Variants in CHLSN observed in about 807,000 individuals in gnomAD.
CHLSN encodes the protein cholesin, also known as protein cholesin.
At chr7:986,735 C>T in the CHLSN span, 35 of 1,609,616 alleles carry the variant, frequency 2.2e-5, 1 homozygote, top group African/African-American at 3.9e-4. Context: ...GGCGCGGAGG[C>T]CCCACGTGTG....
chr7:1,088,438 C>G, the CHLSN span: 9 of 152,002 alleles, frequency 5.9e-5, no homozygotes, highest in African/African-American at 2.2e-4. The surrounding 1 kb of genome is among the most constrained non-coding windows in gnomAD (Gnocchi z 4.5). Flanking sequence ...AGACACCTCA[C>G]CCCCTGGTGA....
the CHLSN span, among the ~76,000 whole-genome samples, chr7:1,032,997 T>C: frequency 6.6e-6 from 1 of 152,154 alleles, no homozygotes; most frequent in African/African-American, 2.4e-5. Flanking sequence ...GCACTCGCGG[T>C]GCGGACCCAG....
At chr7:1,015,964 C>A in the CHLSN span, among the ~76,000 whole-genome samples, 2 of 152,172 alleles carry the variant, frequency 1.3e-5, 1 homozygote, top group South Asian at 4.1e-4. Flanking sequence ...CCTGGACCGG[C>A]GTCTGTCTGG....
chr7:984,650 C>T, the CHLSN span: 1 of 1,495,320 alleles, frequency 6.7e-7, no homozygotes, highest in Non-Finnish European at 8.9e-7. Context: ...GGGGCTCCAG[C>T]AGCGGGAGAG....
the CHLSN span, among the ~76,000 whole-genome samples, chr7:1,039,652 A>AG: frequency 3.0e-5 from 2 of 66,660 alleles, no homozygotes; most frequent in Non-Finnish European, 2.7e-5. Flanking sequence ...CTGCCCGGCC[A>AG]CTACCCCGTC....
the CHLSN span, chr7:1,029,210 C>CTT: frequency 6.6e-6 from 1 of 152,268 alleles, no homozygotes; most frequent in East Asian, 1.9e-4. Context: ...TCACTGCAGC[C>CTT]TTAACTTCCT....
the CHLSN span, among the ~76,000 whole-genome samples, chr7:1,007,434 A>G: frequency 6.6e-6 from 1 of 152,026 alleles, no homozygotes; most frequent in Non-Finnish European, 1.5e-5. Flanking sequence ...GGCTGAGGAC[A>G]CTCCCCTGTG....
At chr7:1,072,653 A>G in the CHLSN span, among the ~76,000 whole-genome samples, 1 of 140,272 alleles carries the variant, frequency 7.1e-6, no homozygotes, top group Non-Finnish European at 1.5e-5. Flanking sequence ...GGCTTTAATT[A>G]TGGAGTCAAT....
chr7:1,001,495 G>A, the CHLSN span, among the ~76,000 whole-genome samples: 1 of 142,966 alleles, frequency 7.0e-6, no homozygotes, highest in Admixed American at 6.8e-5. Context: ...GGAGTCCTGC[G>A]GGTGAGTGGA....
At chr7:1,034,521 G>T in the CHLSN span, among the ~76,000 whole-genome samples, 1 of 152,154 alleles carries the variant, frequency 6.6e-6, no homozygotes, top group Non-Finnish European at 1.5e-5. Flanking sequence ...TCGGGACATC[G>T]GACAGCTGTG....
the CHLSN span, among the ~76,000 whole-genome samples, chr7:1,109,100 T>A: frequency 1.3e-5 from 2 of 152,048 alleles, no homozygotes; most frequent in Non-Finnish European, 2.9e-5. Context: ...TTTCAACATG[T>A]TGGCCAGACT....
At chr7:1,089,532 C>A in the CHLSN span, among the ~76,000 whole-genome samples, 10 of 152,028 alleles carry the variant, frequency 6.6e-5, no homozygotes, top group African/African-American at 2.2e-4. Flanking sequence ...GATCCTCCTG[C>A]CTCAGCCTCC....
chr7:1,089,474 A>T, the CHLSN span, among the ~76,000 whole-genome samples: 1 of 19,886 alleles, frequency 5.0e-5, no homozygotes. Context: ...GCTCGAGTGC[A>T]GTGGTGTGAT....
At chr7:1,093,429 G>A in the CHLSN span, 499 of 462,900 alleles carry the variant, frequency 1.1e-3, 2 homozygotes, top group African/African-American at 9.1e-3. Flanking sequence ...ACGCCTGAGC[G>A]TCCTCCATCT....
the CHLSN span, among the ~76,000 whole-genome samples, chr7:1,008,811 C>G: frequency 8.5e-6 from 1 of 117,668 alleles, no homozygotes; most frequent in South Asian, 2.5e-4. Context: ...TATACATGTA[C>G]ACACGCACAT....
the CHLSN span, among the ~76,000 whole-genome samples, chr7:1,033,387 G>A: frequency 8.5e-5 from 13 of 152,126 alleles, no homozygotes; most frequent in African/African-American, 2.9e-4. Flanking sequence ...GAGAAACCCC[G>A]TCTCAACTAA....
the CHLSN span, among the ~76,000 whole-genome samples, chr7:1,097,281 GGA>G: frequency 6.6e-6 from 1 of 152,186 alleles, no homozygotes; most frequent in African/African-American, 2.4e-5. The surrounding 1 kb of genome is among the most constrained non-coding windows in gnomAD (Gnocchi z 4.3). Flanking sequence ...GCCGGGGCAG[GGA>G]GAGACAAGAT....
the CHLSN span, among the ~76,000 whole-genome samples, chr7:982,895 T>C: frequency 1.3e-5 from 2 of 152,194 alleles, no homozygotes; most frequent in Non-Finnish European, 2.9e-5. Flanking sequence ...GGGCCTGGAC[T>C]GGCAGGTTCA....
the CHLSN span, chr7:1,092,592 G>A: frequency 6.2e-7 from 1 of 1,611,452 alleles, no homozygotes; most frequent in Non-Finnish European, 8.5e-7. Flanking sequence ...AGCGGACGCA[G>A]CCTGGGGCCG....
Sources: gnomAD v4.1 joint callset for allele counts (sites outside exome capture counted in the v4.1 genomes callset) on GRCh38, gnomAD v4.1.1 for gene constraint, Gnocchi (gnomAD v3.1) non-coding constraint, MANE v1.5 for transcripts, NCBI Gene and HGNC (gene_info 2026-07-23, HGNC 2026-07-21) for gene names.